Variants in RPH3AL observed in about 807,000 individuals in gnomAD.
The protein encoded by RPH3AL is rab effector Noc2.
RPH3AL carries 38 observed loss-of-function variants against 43.1 expected under a neutral mutation model. The ratio of observed to expected loss-of-function variants is 0.88; its 90% CI spans 0.68 to 1.15. The LOEUF (loss-of-function observed/expected upper bound fraction) is 1.15. Among genes scored for constraint, RPH3AL ranks in the 50% most tolerant of loss-of-function variants. The pLI is 0.00. For missense variants in RPH3AL, 462 were observed against 423.2 expected (o/e 1.09, Z -0.81); for synonymous variants, 189 against 176.3 (o/e 1.07, Z -0.57).
chr17:312,987 G>C (rs997888067), intron 5 of RPH3AL, among the ~76,000 whole-genome samples: 9 of 152,196 alleles, frequency 5.9e-5, no homozygotes, highest in Non-Finnish European at 4.4e-5. Context: ...AGCACTGCGT[G>C]GCATCTGCGT....
chr17:310,846 C>T (rs940725418), intron 5 of RPH3AL, among the ~76,000 whole-genome samples: 2 of 152,144 alleles, frequency 1.3e-5, no homozygotes, highest in South Asian at 2.1e-4. Flanking sequence ...GCAAGGGCTT[C>T]GCAGGGGCTA....
At chr17:269,156 G>A (rs2042401579) in intron 6 of RPH3AL, among the ~76,000 whole-genome samples, 1 of 152,114 alleles carries the variant, frequency 6.6e-6, no homozygotes, top group Non-Finnish European at 1.5e-5. Flanking sequence ...GGGATCACAG[G>A]CGTGAGCCAC....
At chr17:228,624 C>G (rs1027212812) in intron 7 of RPH3AL, among the ~76,000 whole-genome samples, 2 of 152,190 alleles carry the variant, frequency 1.3e-5, no homozygotes, top group Non-Finnish European at 2.9e-5. Context: ...GTAGGACACC[C>G]AGGACACAGG....
chr17:332,051 CAGG>C, intron 2 of RPH3AL: 1 of 393,694 alleles, frequency 2.5e-6, no homozygotes. Flanking sequence ...GGAGCAGAGG[CAGG>C]AGGTTTTGTG....
In RPH3AL at chr17:323,410, G is replaced by A. The variant is rs1254350828; in HGVS notation, c.78-1995C>T. 6.6e-6 allele frequency among the ~76,000 whole-genome samples: 1 copy of A among 152,194 alleles called. No individual in the cohort carries two copies. The highest frequency in any genetic ancestry group is 1.5e-5 in the Non-Finnish European group (1 of 68,014). ...AGCCTCTGCCTGGACTACCTGCCTT[G>A]CTCCTATGAACTGCACACATGCAGG... On this transcript the variant is annotated intron_variant, in intron 3 of 9. Coordinates refer to ENST00000331302, the MANE Select transcript of RPH3AL (RefSeq NM_006987.4). This position sits in a 1 kb window ranked among gnomAD's most constrained non-coding sequence, Gnocchi z 4.4.
At chr17:310,110 T>G (rs904427215) in intron 5 of RPH3AL, among the ~76,000 whole-genome samples, 23 of 151,754 alleles carry the variant, frequency 1.5e-4, no homozygotes, top group Non-Finnish European at 3.2e-4. Flanking sequence ...CGGGCTCTGC[T>G]GTGGCCCTGC....
chr17:276,406 C>G (rs1307726136), intron 6 of RPH3AL, among the ~76,000 whole-genome samples: 1 of 152,156 alleles, frequency 6.6e-6, no homozygotes, highest in Non-Finnish European at 1.5e-5. Context: ...GGGCCTTGCT[C>G]TAAAGACCTC....
At chr17:320,908 G>A (rs1197624570) in intron 4 of RPH3AL, among the ~76,000 whole-genome samples, 3 of 152,214 alleles carry the variant, frequency 2.0e-5, no homozygotes, top group Admixed American at 6.5e-5. Context: ...TTTCAGGGGC[G>A]ACCTGTGGCT....
At chr17:243,356 T>G in intron 7 of RPH3AL, among the ~76,000 whole-genome samples, 1 of 133,520 alleles carries the variant, frequency 7.5e-6, no homozygotes, top group Admixed American at 7.5e-5. Flanking sequence ...CTGATTACCC[T>G]TCCTCTATTG....
intron 6 of RPH3AL, among the ~76,000 whole-genome samples, chr17:260,300 G>T (rs2042168250): frequency 6.6e-6 from 1 of 152,210 alleles, no homozygotes. Context: ...CAGAGGCCAT[G>T]TGGTCCCACT....
chr17:332,713 C>T (rs4074372), intron 2 of RPH3AL: 11 of 251,142 alleles, frequency 4.4e-5, no homozygotes, highest in South Asian at 3.9e-4. Flanking sequence ...ACGGGGTAGT[C>T]GGCCTCAAGG....
intron 6 of RPH3AL, among the ~76,000 whole-genome samples, chr17:248,913 G>C (rs1360266106): frequency 1.3e-5 from 2 of 152,166 alleles, no homozygotes; most frequent in African/African-American, 4.8e-5. Context: ...TGTCCCTTCC[G>C]CTCGAGGCTC....
At chr17:316,377 G>A (rs1219376879) in intron 5 of RPH3AL, among the ~76,000 whole-genome samples, 12 of 144,564 alleles carry the variant, frequency 8.3e-5, no homozygotes, top group Admixed American at 2.1e-4. Context: ...TTGACCTGTA[G>A]TCTCTCTGCA....
chr17:266,210 G>A (rs554301655), intron 6 of RPH3AL, among the ~76,000 whole-genome samples: 22 of 151,852 alleles, frequency 1.4e-4, no homozygotes, highest in African/African-American at 5.3e-4. Flanking sequence ...AGTGGTGTGT[G>A]TGTGTGTGTG....
At position 246,083 on chromosome 17, in the gene RPH3AL, G is replaced by A. The variant is rs1414568913; in HGVS notation, c.613+1028C>T. On this transcript the variant is annotated intron_variant, in intron 7 of 9. Coordinates refer to ENST00000331302, the MANE Select transcript of RPH3AL (RefSeq NM_006987.4). The surrounding 1 kb of genome is among the most constrained non-coding windows in gnomAD (Gnocchi z 4.8). ...TTTATACCTTCTACATACGTCACTG[G>A]ACAACTTTCACATGTTCGTAATAAA... Among the ~76,000 whole-genome samples the A allele has an allele frequency of 1.3e-5, 2 of 152,144 alleles. No individual in the cohort carries two copies. The highest frequency in any genetic ancestry group is 1.3e-4 in the Admixed American group (2 of 15,280).
rs1034702221 is a variant in RPH3AL, at chr17:274,345, G to A, written c.438+7423C>T. On this transcript the variant is annotated intron_variant, in intron 6 of 9. Coordinates refer to ENST00000331302, the MANE Select transcript of RPH3AL (RefSeq NM_006987.4). The surrounding 1 kb of genome is among the most constrained non-coding windows in gnomAD (Gnocchi z 4.7). ...GGCCTCGCCTGCCCACCTGGGCCTC[G>A]CCTGCCTGGCTGGAGTAGGGGCAGC... 7.2e-5 allele frequency among the ~76,000 whole-genome samples: 11 copies of A among 152,226 alleles called. No individual in the cohort carries two copies. The highest frequency in any genetic ancestry group is 2.1e-4 in the South Asian group (1 of 4,832).
At chr17:273,050 G>GAGAGACCCCAGCGAGGGCGACGTCAGGA (rs2042541233) in intron 6 of RPH3AL, among the ~76,000 whole-genome samples, 6 of 104,714 alleles carry the variant, frequency 5.7e-5, no homozygotes, top group Admixed American at 1.0e-4. Flanking sequence ...CGACGTCAGG[G>GAGAGACCCCAGCGAGGGCGACGTCAGGA]AGAGACCCCA....
chr17:264,406 C>CGA lies in RPH3AL; in HGVS notation c.439-17122_439-17121insTC, dbSNP rs2042273793. ...AGCAGGATTACCCTTCGGAGCCGTGCGCGCTGGATGGGGACTCAGAATCTG... is the reference window on the plus strand; with the variant it reads ...AGCAGGATTACCCTTCGGAGCCGTGCGAGCGCTGGATGGGGACTCAGAATCTG... On this transcript the variant is annotated intron_variant, in intron 6 of 9. Transcript: ENST00000331302. The surrounding 1 kb of genome is among the most constrained non-coding windows in gnomAD (Gnocchi z 4.8). Among the ~76,000 whole-genome samples the CGA allele has an allele frequency of 2.5e-5, 1 of 40,764 alleles. No homozygotes were observed. Among genetic ancestry groups the CGA allele is most frequent in the Non-Finnish European group, 5.1e-5 (1 of 19,712 alleles). 26.7% of individuals were successfully genotyped at this position (40,764 alleles called of 152,430 possible). A position where few individuals can be genotyped will look rare whatever the true frequency, so the allele number is the denominator to read the frequency against.
intron 7 of RPH3AL, among the ~76,000 whole-genome samples, chr17:224,595 A>G (rs2041064505): frequency 6.6e-6 from 1 of 152,150 alleles, no homozygotes; most frequent in African/African-American, 2.4e-5. Flanking sequence ...GAGGGCAGGG[A>G]CCAAATTGCA....
Sources: allele counts gnomAD v4.1 joint callset (sites outside exome capture counted in the v4.1 genomes callset), GRCh38; gene constraint gnomAD v4.1.1; non-coding constraint Gnocchi (gnomAD v3.1); transcripts MANE v1.5; gene names NCBI Gene and HGNC (gene_info 2026-07-23, HGNC 2026-07-21).